The following GPAT3 variants were observed in gnomAD, a reference collection of about 807,000 sequenced individuals.
GPAT3 encodes the protein glycerol-3-phosphate acyltransferase 3.
A neutral mutation model predicts 58.8 loss-of-function variants in GPAT3; 53 were observed. The observed-to-expected ratio is 0.90, with a 90% CI of 0.72 to 1.13. GPAT3 has a LOEUF of 1.13. Among genes scored for constraint, GPAT3 ranks in the 50% most tolerant of loss-of-function variants. GPAT3 has a pLI of 0.00. For missense variants in GPAT3, 511 were observed against 527.6 expected (o/e 0.97, Z 0.31); for synonymous variants, 197 against 187.4 (o/e 1.05, Z -0.42).
chr4:83,558,546 TG>T (rs934140178), intron 2 of GPAT3, among the ~76,000 whole-genome samples: 8 of 152,224 alleles, frequency 5.3e-5, no homozygotes, highest in Admixed American at 5.2e-4. Flanking sequence ...AAATGTTTTT[TG>T]GTGGATATAC....
rs1560620736 is a variant in GPAT3 at position 83,578,985 on chromosome 4, T to TTTCTTTCTTTCTTTCC, written c.209-2574_209-2573insTTTCTTTCTTTCCTTC. Among the ~76,000 whole-genome samples, 33 of 131,862 alleles carry TTTCTTTCTTTCTTTCC rather than the reference T, an allele frequency of 2.5e-4. 4 individuals carry two copies. The highest frequency in any genetic ancestry group is 6.2e-4 in the African/African-American group (20 of 32,006). 86.5% of individuals were successfully genotyped at this position (131,862 alleles called of 152,430 possible). On this transcript the variant is annotated intron_variant, in intron 2 of 11. Coordinates refer to ENST00000264409, the MANE Select transcript of GPAT3 (RefSeq NM_032717.5). ...CTTTCTTTCTTTCTTTCTTTCTTTC[T>TTTCTTTCTTTCTTTCC]TTCCTTCCTTCCTTCCTTCCTTCCT...
intron 3 of GPAT3, among the ~76,000 whole-genome samples, chr4:83,583,224 G>A (rs371633799): frequency 2.0e-4 from 31 of 152,072 alleles, no homozygotes; most frequent in African/African-American, 7.2e-4. Flanking sequence ...AACCTGGGAG[G>A]CAGAGGTTGC....
chr4:83,546,223 G>T (rs189222626), intron 2 of GPAT3, among the ~76,000 whole-genome samples: 2 of 152,028 alleles, frequency 1.3e-5, no homozygotes, highest in African/African-American at 4.8e-5. Context: ...GACCTCAAGC[G>T]ATCCTCCCAC....
intron 2 of GPAT3, among the ~76,000 whole-genome samples, chr4:83,547,475 A>G (rs1055147759): frequency 3.3e-5 from 5 of 151,488 alleles, no homozygotes; most frequent in Admixed American, 1.3e-4. Context: ...GATGGTCTCG[A>G]TCTCCTGACC....
intron 2 of GPAT3, among the ~76,000 whole-genome samples, chr4:83,570,276 A>G (rs976431832): frequency 6.6e-6 from 1 of 152,158 alleles, no homozygotes; most frequent in African/African-American, 2.4e-5. Context: ...TGGAGATAAT[A>G]CAGAATACCT....
intron 1 of GPAT3, among the ~76,000 whole-genome samples, chr4:83,537,617 G>GTC (rs1242600429): frequency 6.4e-5 from 9 of 141,086 alleles, no homozygotes; most frequent in African/African-American, 2.3e-4. Flanking sequence ...GTGTGTGTGT[G>GTC]TGTGTGTGTA....
rs149459187 is a variant in GPAT3, at chr4:83,594,868, G to A, written c.762G>A (p.Leu254=). The A allele has an allele frequency of 3.4e-4, 544 of 1,613,862 alleles. 1 individual carries two copies. In the African/African-American group the frequency reaches 4.0e-3, roughly 12 times the overall value. ...AGGTTGGCCAGGTTCATGGCGGCTT[G>A]ATGGGAATTATTCAGAGAGCTATGG... The part of the protein sequence containing the change: ...YAMVGQVHGG[L]MGIIQRAMVK... The change falls in exon 7 of 12, where the codon TTG becomes TTA. Residue 254 remains leucine, a synonymous_variant. Transcript: ENST00000264409.
chr4:83,595,579 C>G (rs1726791120), intron 7 of GPAT3, among the ~76,000 whole-genome samples: 1 of 151,920 alleles, frequency 6.6e-6, no homozygotes, highest in Admixed American at 6.6e-5. Flanking sequence ...TAAAATTAGC[C>G]AAATGTGGTG....
intron 2 of GPAT3, among the ~76,000 whole-genome samples, chr4:83,573,148 A>ATTTC (rs1725663380): frequency 6.6e-6 from 1 of 151,956 alleles, no homozygotes; most frequent in Admixed American, 6.6e-5. Context: ...TTATTTATTT[A>ATTTC]TTTTGAGATG....
chr4:83,598,683 T>G lies in GPAT3; in HGVS notation c.1165T>G (p.Ser389Ala). The change falls in exon 11 of 12, where the codon TCT (serine) becomes GCT (alanine). Residue 389 changes from serine (S) to alanine (A), a missense_variant. Coordinates refer to ENST00000264409, the MANE Select transcript of GPAT3 (RefSeq NM_032717.5). ...DAVQFANRVK[S>A]AIAIQGGLTE... ...AGTCCAGTTTGCTAACAGGGTTAAGTCTGCTATTGCTATACAAGGAGGCCT... is the reference window on the plus strand; with the variant it reads ...AGTCCAGTTTGCTAACAGGGTTAAGGCTGCTATTGCTATACAAGGAGGCCT... 6.2e-7 allele frequency: 1 copy of G among 1,606,272 alleles called. No individual in the cohort carries two copies. Among genetic ancestry groups the G allele is most frequent in the Non-Finnish European group, 8.5e-7 (1 of 1,177,330 alleles).
rs566770734 is a variant in GPAT3 at position 83,548,785 on chromosome 4, C to T, written c.208+4183C>T. Among the ~76,000 whole-genome samples, 8 of 152,308 alleles carry T rather than the reference C, an allele frequency of 5.3e-5. No homozygotes were observed. In the South Asian group the frequency reaches 1.7e-3, roughly 32 times the overall value. ...TTTAGCCCCTGTGCTAAATTTCTCT[C>T]TGCCTTGTATCTCATGCCCCCAAGT... On this transcript the variant is annotated intron_variant, in intron 2 of 11. Coordinates refer to ENST00000264409, the MANE Select transcript of GPAT3 (RefSeq NM_032717.5).
chr4:83,564,979 TTG>T (rs1214464233), intron 2 of GPAT3, among the ~76,000 whole-genome samples: 1 of 152,008 alleles, frequency 6.6e-6, no homozygotes. Flanking sequence ...TCATTTATTC[TTG>T]TGTGTCTTTC....
chr4:83,580,815 G>A (rs1038654626), intron 2 of GPAT3, among the ~76,000 whole-genome samples: 3 of 152,082 alleles, frequency 2.0e-5, no homozygotes, highest in African/African-American at 7.2e-5. Flanking sequence ...TTAAAAAATC[G>A]GCCGGGCGTG....
At chr4:83,542,795 C>T (rs534146583) in intron 1 of GPAT3, among the ~76,000 whole-genome samples, 98 of 151,312 alleles carry the variant, frequency 6.5e-4, no homozygotes, top group African/African-American at 1.9e-3. Context: ...GTCAGCAGTT[C>T]GAGACCACAC....
At chr4:83,540,409 C>A (rs916978863) in intron 1 of GPAT3, among the ~76,000 whole-genome samples, 1 of 152,214 alleles carries the variant, frequency 6.6e-6, no homozygotes, top group East Asian at 1.9e-4. Flanking sequence ...TCTGAGATAC[C>A]CCTGTAAGAG....
intron 2 of GPAT3, among the ~76,000 whole-genome samples, chr4:83,553,494 C>A (rs576386394): frequency 1.3e-5 from 2 of 152,226 alleles, no homozygotes; most frequent in Admixed American, 6.5e-5. Context: ...TGCTGAAGGT[C>A]TGGTTGGTGA....
At chr4:83,545,764 A>G (rs1030853401) in intron 2 of GPAT3, among the ~76,000 whole-genome samples, 2 of 152,002 alleles carry the variant, frequency 1.3e-5, no homozygotes, top group African/African-American at 4.8e-5. Flanking sequence ...CAGCTCTATC[A>G]TTTAAAAAAA....
intron 11 of GPAT3, among the ~76,000 whole-genome samples, chr4:83,602,032 A>C (rs745438772): frequency 6.6e-6 from 1 of 152,220 alleles, no homozygotes; most frequent in Non-Finnish European, 1.5e-5. Context: ...GAATATGTTA[A>C]ACTAAATGAC....
chr4:83,536,872 G>C, intron 1 of GPAT3, 109 bp downstream of exon 1: 1 of 1,010,378 alleles, frequency 9.9e-7, no homozygotes, highest in Non-Finnish European at 1.4e-6. Flanking sequence ...GTGCGCGCGT[G>C]TGCATGCGTG....
Sources: gnomAD v4.1 joint callset for allele counts (sites outside exome capture counted in the v4.1 genomes callset) on GRCh38, gnomAD v4.1.1 for gene constraint, MANE v1.5 for transcripts, NCBI Gene and HGNC (gene_info 2026-07-23, HGNC 2026-07-21) for gene names.